GTF2IRD1: variants seen among roughly 807,000 people sequenced by gnomAD.
GTF2IRD1 encodes the protein general transcription factor II-I repeat domain-containing protein 1.
A neutral mutation model predicts 113.2 loss-of-function variants in GTF2IRD1; 26 were observed. That is an observed-to-expected ratio of 0.23 (90% CI 0.17 to 0.32). GTF2IRD1 has a LOEUF of 0.32. Among genes scored for constraint, GTF2IRD1 ranks in the 10% least tolerant of loss-of-function variants. The pLI, the probability that GTF2IRD1 is intolerant of heterozygous loss-of-function variation, is 1.00. For synonymous variants in GTF2IRD1, 484 were observed against 529.1 expected, an observed-to-expected ratio of 0.91 and a Z score of 1.17; for missense variants, 864 against 1,280.8, an observed-to-expected ratio of 0.67 and a Z score of 4.97.
chr7:74,577,337 C>A (rs1554364861), intron 22 of GTF2IRD1, among the ~76,000 whole-genome samples: 1 of 152,200 alleles, frequency 6.6e-6, no homozygotes, highest in African/African-American at 2.4e-5. Flanking sequence ...CCGCGCCCAG[C>A]TGGGTTCAGT....
chr7:74,481,451 G>A (rs1208654759), intron 1 of GTF2IRD1, among the ~76,000 whole-genome samples: 1 of 152,160 alleles, frequency 6.6e-6, no homozygotes, highest in Admixed American at 6.5e-5. Context: ...GAGCCACCAC[G>A]CCCAGCCTGC....
At chr7:74,517,024 T>C (rs1796973182) in intron 4 of GTF2IRD1, among the ~76,000 whole-genome samples, 2 of 131,778 alleles carry the variant, frequency 1.5e-5, no homozygotes, top group African/African-American at 5.5e-5. Flanking sequence ...TTGTTGTTGT[T>C]GTTGTTGTTG....
chr7:74,510,625 C>T (rs1407397009), intron 2 of GTF2IRD1, among the ~76,000 whole-genome samples: 11 of 152,028 alleles, frequency 7.2e-5, no homozygotes, highest in African/African-American at 1.9e-4. Flanking sequence ...AATTCGAATT[C>T]GTTAAAACGA....
intron 19 of GTF2IRD1, among the ~76,000 whole-genome samples, chr7:74,556,381 C>T (rs1332210947): frequency 2.7e-5 from 4 of 150,492 alleles, no homozygotes; most frequent in East Asian, 2.0e-4. Context: ...AGTGCAATGG[C>T]GTGATCTCAG....
chr7:74,518,474 G>C (rs1426610374), intron 5 of GTF2IRD1, 152 bp downstream of exon 5: 2 of 621,500 alleles, frequency 3.2e-6, no homozygotes, highest in Non-Finnish European at 5.6e-6. Flanking sequence ...TGGTGGAGGT[G>C]AAGTGAAAGC....
At chr7:74,573,978 T>G (rs1427697623) in intron 22 of GTF2IRD1, among the ~76,000 whole-genome samples, 1 of 152,070 alleles carries the variant, frequency 6.6e-6, no homozygotes, top group Non-Finnish European at 1.5e-5. Context: ...TCTTTTTGTT[T>G]GTTTCTGTTT....
chr7:74,577,182 C>T (rs1554364803), intron 22 of GTF2IRD1, among the ~76,000 whole-genome samples: 1 of 152,126 alleles, frequency 6.6e-6, no homozygotes, highest in African/African-American at 2.4e-5. Flanking sequence ...TGACTACAAG[C>T]GTGCACCACC....
chr7:74,599,918 C>T (rs1554373422), intron 25 of GTF2IRD1, among the ~76,000 whole-genome samples: 1 of 152,166 alleles, frequency 6.6e-6, no homozygotes, highest in Admixed American at 6.6e-5. Flanking sequence ...CATCCCCTCA[C>T]AGCCTTAAAG....
chr7:74,555,075 C>A lies in GTF2IRD1; in HGVS notation c.1917-99C>A. 9.5e-7 allele frequency: 1 copy of A among 1,051,404 alleles called. No homozygotes were observed. Among genetic ancestry groups the A allele is most frequent in the Non-Finnish European group, 1.4e-6 (1 of 704,480 alleles). 65.1% of individuals were successfully genotyped at this position (1,051,404 alleles called of 1,614,324 possible). ...TGAACTATGCATAGCCAGAAGGGTCCATTGCAGGGCTGTGTAGACTGAGGC... is the reference window on the plus strand; with the variant it reads ...TGAACTATGCATAGCCAGAAGGGTCAATTGCAGGGCTGTGTAGACTGAGGC... On this transcript the variant is annotated intron_variant, in intron 17 of 26. Coordinates refer to ENST00000424337, the MANE Select transcript of GTF2IRD1 (RefSeq NM_005685.4). This position sits in a 1 kb window ranked among gnomAD's most constrained non-coding sequence, Gnocchi z 5.3.
intron 22 of GTF2IRD1, among the ~76,000 whole-genome samples, chr7:74,566,852 CTTG>C (rs587707349): frequency 2.6e-5 from 4 of 152,250 alleles, no homozygotes; most frequent in Admixed American, 2.0e-4. Context: ...TAGCCTAGGG[CTTG>C]TTGTGTGTCC....
intron 1 of GTF2IRD1, among the ~76,000 whole-genome samples, chr7:74,503,151 A>G (rs1554339968): frequency 6.9e-6 from 1 of 143,978 alleles, no homozygotes; most frequent in African/African-American, 2.7e-5. Flanking sequence ...TGGGCAATAG[A>G]GTGAGACTCC....
At chr7:74,547,460 T>TG (rs1799013782) in intron 17 of GTF2IRD1, among the ~76,000 whole-genome samples, 174 bp downstream of exon 17, 2 of 149,166 alleles carry the variant, frequency 1.3e-5, no homozygotes, top group African/African-American at 2.5e-5. Flanking sequence ...TTTTTTTTTT[T>TG]GAGACAGAGT....
In GTF2IRD1 at chr7:74,574,649, C is replaced by T. The variant is rs140589066; in HGVS notation, c.2320+14994C>T. The stretch of plus-strand genomic sequence containing the variant: ...TAATTTTTGTATTTTTTTGTAGAGA[C>T]GGGGTTTTGCCATGTTTCCCAGGCT... On this transcript the variant is annotated intron_variant, in intron 22 of 26. Transcript: ENST00000424337. 2.3e-3 allele frequency among the ~76,000 whole-genome samples: 345 copies of T among 151,186 alleles called. 3 individuals are homozygous for T. The East Asian group carries it at 0.04, about 17-fold the overall frequency.
In GTF2IRD1 at chr7:74,595,023, A is replaced by T. The variant is rs782008313; in HGVS notation, c.2601A>T (p.Ala867=). ...MVIINQLQPF[A]EICNDAKVPA... ...TTTCTTTCTTTTTCAGACCCTTTGC[A>T]GAAATCTGCAATGATGCCAAGGTGC... Residue 867 remains alanine, a synonymous_variant, in exon 25 of 27, where the codon GCA becomes GCT. Transcript: ENST00000424337. The T allele has an allele frequency of 6.9e-6, 11 of 1,605,764 alleles. No individual in the cohort carries two copies. Among genetic ancestry groups the T allele is most frequent in the Non-Finnish European group, 7.7e-6 (9 of 1,173,692 alleles).
chr7:74,486,438 C>T (rs1795032335), intron 1 of GTF2IRD1, among the ~76,000 whole-genome samples: 1 of 152,208 alleles, frequency 6.6e-6, no homozygotes, highest in Non-Finnish European at 1.5e-5. Flanking sequence ...TGTCAGCCAC[C>T]AGGCAGGGCA....
intron 22 of GTF2IRD1, among the ~76,000 whole-genome samples, chr7:74,566,903 C>T (rs1317517445): frequency 7.9e-5 from 12 of 152,176 alleles, no homozygotes; most frequent in Non-Finnish European, 4.4e-5. Flanking sequence ...TTCCCACCAC[C>T]CCTCTGGTCT....
intron 1 of GTF2IRD1, among the ~76,000 whole-genome samples, chr7:74,462,845 C>T (rs1554329736): frequency 6.6e-6 from 1 of 152,218 alleles, no homozygotes; most frequent in African/African-American, 2.4e-5. Context: ...ACCTGCCTGC[C>T]GCTGCCCTCC....
At chr7:74,459,210 T>C (rs190708856) in intron 1 of GTF2IRD1, among the ~76,000 whole-genome samples, 134 of 152,202 alleles carry the variant, frequency 8.8e-4, no homozygotes, top group Non-Finnish European at 1.4e-3. Flanking sequence ...CCCAGCACTT[T>C]GCACTTCGGG....
Position 74,512,220 on chromosome 7 carries a change from C to T in GTF2IRD1, c.124-610C>T, listed in dbSNP as rs558436745. 3.3e-5 allele frequency among the ~76,000 whole-genome samples: 5 copies of T among 152,234 alleles called. No individual in the cohort carries two copies. Among genetic ancestry groups the T allele is most frequent in the African/African-American group, 9.6e-5 (4 of 41,560 alleles). On this transcript the variant is annotated intron_variant, in intron 2 of 26. Transcript: ENST00000424337. This position sits in a 1 kb window ranked among gnomAD's most constrained non-coding sequence, Gnocchi z 4.4. ...TACAAAAATTAGCAAGGCGTGGTGG[C>T]GGGCGCCTGTAGTCCCAGCTACTCG... is the stretch of plus-strand genomic sequence containing the variant.
Sources: gnomAD v4.1 joint callset for allele counts (sites outside exome capture counted in the v4.1 genomes callset) on GRCh38, gnomAD v4.1.1 for gene constraint, Gnocchi (gnomAD v3.1) non-coding constraint, MANE v1.5 for transcripts, NCBI Gene and HGNC (gene_info 2026-07-23, HGNC 2026-07-21) for gene names.